The following DCC variants were observed in gnomAD, a reference collection of about 807,000 sequenced individuals.
The protein encoded by DCC is DCC netrin 1 receptor, also known as netrin receptor DCC.
DCC carries 58 observed loss-of-function variants against 172.5 expected under a neutral mutation model. The observed-to-expected ratio is 0.34, with a 90% confidence interval of 0.27 to 0.42. DCC has a LOEUF of 0.42. Ranked by LOEUF, DCC falls within the 10% of genes least tolerant of loss-of-function variation. The pLI is 1.00. For missense variants in DCC, 1,740 were observed against 1,791.0 expected, an observed-to-expected ratio of 0.97 and a Z score of 0.51; for synonymous variants, 709 against 644.5, an observed-to-expected ratio of 1.10 and a Z score of -1.52.
At chr18:53,049,083 C>T (rs896029439) in intron 5 of DCC, among the ~76,000 whole-genome samples, 7 of 151,720 alleles carry the variant, frequency 4.6e-5, no homozygotes, top group African/African-American at 1.7e-4. Flanking sequence ...GGATATTATG[C>T]CTTTGTCAGA....
chr18:53,342,129 C>T (rs958707334), intron 15 of DCC, among the ~76,000 whole-genome samples: 2 of 151,912 alleles, frequency 1.3e-5, no homozygotes, highest in Non-Finnish European at 2.9e-5. Flanking sequence ...TAATAAACCC[C>T]TTCATCTATT....
chr18:52,424,373 A>G (rs991041207), intron 1 of DCC, among the ~76,000 whole-genome samples: 10 of 152,136 alleles, frequency 6.6e-5, no homozygotes, highest in African/African-American at 2.4e-4. Context: ...CAAGCTCACA[A>G]CCAGTAAGCC....
intron 1 of DCC, among the ~76,000 whole-genome samples, chr18:52,730,782 A>G (rs1298274717): frequency 6.6e-6 from 1 of 152,162 alleles, no homozygotes; most frequent in Non-Finnish European, 1.5e-5. Context: ...CAGAGGGGCT[A>G]TGTATGAGGC....
At chr18:52,576,563 C>T (rs2033414792) in intron 1 of DCC, among the ~76,000 whole-genome samples, 1 of 152,166 alleles carries the variant, frequency 6.6e-6, no homozygotes, top group Non-Finnish European at 1.5e-5. Flanking sequence ...GGCACAGTGG[C>T]TCACGCCTGT....
intron 2 of DCC, among the ~76,000 whole-genome samples, chr18:52,878,563 T>C (rs1889678496): frequency 6.6e-6 from 1 of 152,186 alleles, no homozygotes; most frequent in Non-Finnish European, 1.5e-5. Flanking sequence ...GACCTCCCCA[T>C]TTAAAATTAT....
Position 52,769,594 on chromosome 18 carries a change from A to AT in DCC, c.412+17222dup, listed in dbSNP as rs199835423. On this transcript the variant is annotated intron_variant, in intron 2 of 28. Transcript: ENST00000442544. The stretch of plus-strand genomic sequence containing the variant: ...AATTTTAATGCAATTCAGTCTATCA[A>AT]TTATTTCTTTCAAGGATCATGCCTT... Among the ~76,000 whole-genome samples, 109 of 152,258 alleles carry AT rather than the reference A, an allele frequency of 7.2e-4. 1 individual carries two copies. The East Asian group carries it at 0.011, about 15-fold the overall frequency.
At chr18:52,659,834 C>T (rs553916908) in intron 1 of DCC, among the ~76,000 whole-genome samples, 3 of 152,090 alleles carry the variant, frequency 2.0e-5, no homozygotes, top group East Asian at 3.9e-4. Context: ...TTGCAACCAC[C>T]GTGACCATGG....
At chr18:52,357,413 A>G (rs4473286) in intron 1 of DCC, among the ~76,000 whole-genome samples, 49,346 of 151,998 alleles carry the variant, frequency 0.32, 8,574 homozygotes, top group East Asian at 0.51. Context: ...AATGGTCAAA[A>G]CTGCAACAAT....
intron 2 of DCC, among the ~76,000 whole-genome samples, chr18:52,817,143 CTACCAGAAA>C (rs1301700620): frequency 1.2e-4 from 18 of 152,086 alleles, no homozygotes; most frequent in African/African-American, 4.1e-4. Flanking sequence ...GAATAAACTT[CTACCAGAAA>C]TACCAGAAAA....
At chr18:52,846,923 G>A (rs2038903347) in intron 2 of DCC, among the ~76,000 whole-genome samples, 1 of 152,184 alleles carries the variant, frequency 6.6e-6, no homozygotes, top group African/African-American at 2.4e-5. Context: ...TGCAAATATA[G>A]GGAATATTTC....
intron 2 of DCC, among the ~76,000 whole-genome samples, chr18:52,863,854 C>T (rs1218811988): frequency 6.9e-6 from 1 of 145,704 alleles, no homozygotes; most frequent in African/African-American, 2.4e-5. Context: ...AAGCAAGGAC[C>T]TTAAAGGACC....
chr18:52,395,598 T>C lies in DCC; in HGVS notation c.91+54720T>C, dbSNP rs894886406. 8.6e-5 allele frequency among the ~76,000 whole-genome samples: 13 copies of C among 152,046 alleles called. No individual in the cohort carries two copies. In the East Asian group the frequency reaches 2.3e-3, roughly 27 times the overall value. ...GACACAGTTTTAAAGGTGCAAACTC[T>C]CTGTGTGATTCTAAGCAGATATGAA... is the stretch of plus-strand genomic sequence containing the variant. On this transcript the variant is annotated intron_variant, in intron 1 of 28. Transcript: ENST00000442544.
chr18:52,371,418 T>C (rs946707060), intron 1 of DCC, among the ~76,000 whole-genome samples: 16 of 152,252 alleles, frequency 1.1e-4, no homozygotes, highest in African/African-American at 3.6e-4. Flanking sequence ...GTGAAATATG[T>C]TTAAGTAAGG....
intron 12 of DCC, among the ~76,000 whole-genome samples, chr18:53,294,127 A>C (rs1354955615): frequency 6.6e-6 from 1 of 152,246 alleles, no homozygotes; most frequent in African/African-American, 2.4e-5. Flanking sequence ...TCAATTTCCC[A>C]AAATCAATTT....
At chr18:52,595,250 C>A (rs1200618198) in intron 1 of DCC, among the ~76,000 whole-genome samples, 1 of 151,974 alleles carries the variant, frequency 6.6e-6, no homozygotes, top group Non-Finnish European at 1.5e-5. Flanking sequence ...TCTTTCCAGG[C>A]CTTTTTTTAT....
At chr18:53,371,152 C>T (rs999572908) in intron 15 of DCC, among the ~76,000 whole-genome samples, 1 of 147,562 alleles carries the variant, frequency 6.8e-6, no homozygotes, top group Admixed American at 6.8e-5. Flanking sequence ...ATAAGATGAG[C>T]AACAAGTTAT....
intron 12 of DCC, among the ~76,000 whole-genome samples, chr18:53,239,612 A>T (rs2056258523): frequency 6.6e-6 from 1 of 152,160 alleles, no homozygotes; most frequent in Non-Finnish European, 1.5e-5. Flanking sequence ...TTTTGACATG[A>T]ACACAAAGAA....
chr18:52,500,709 C>T (rs1049015151), intron 1 of DCC, among the ~76,000 whole-genome samples: 1 of 152,088 alleles, frequency 6.6e-6, no homozygotes, highest in Non-Finnish European at 1.5e-5. Context: ...AACTAGAGCT[C>T]TGCAAAGCTT....
chr18:52,980,754 TTAAA>T (rs149104794), intron 5 of DCC, among the ~76,000 whole-genome samples: 4,929 of 152,224 alleles, frequency 0.032, 104 homozygotes, highest in Non-Finnish European at 0.05. Context: ...TAAAGTTCTC[TTAAA>T]TAATCAAAAC....
Sources: gnomAD v4.1 joint callset for allele counts (sites outside exome capture counted in the v4.1 genomes callset) on GRCh38, gnomAD v4.1.1 for gene constraint, MANE v1.5 for transcripts, NCBI Gene and HGNC (gene_info 2026-07-23, HGNC 2026-07-21) for gene names.